DPY19L3: variants seen among roughly 807,000 people sequenced by gnomAD.
DPY19L3 encodes the protein dpy-19 like C-mannosyltransferase 3, also known as protein C-mannosyl-transferase DPY19L3.
In DPY19L3, 51 loss-of-function variants were observed where a neutral mutation model predicts 92.3. The observed-to-expected ratio is 0.55, with a 90% CI of 0.44 to 0.70. The LOEUF (loss-of-function observed/expected upper bound fraction) is 0.70. Among genes scored for constraint, DPY19L3 ranks in the 30% least tolerant of loss-of-function variants. The pLI is 0.00. For missense variants in DPY19L3, 706 were observed against 855.9 expected, an observed-to-expected ratio of 0.82 and a Z score of 2.18; for synonymous variants, 309 against 315.2, an observed-to-expected ratio of 0.98 and a Z score of 0.21.
chr19:32,466,353 G>T (rs9304836), intron 15 of DPY19L3, among the ~76,000 whole-genome samples: 132,740 of 152,228 alleles, frequency 0.87, 58,233 homozygotes, highest in African/African-American at 0.97. Flanking sequence ...TACAGAAATA[G>T]GCATTTAACC....
intron 3 of DPY19L3, among the ~76,000 whole-genome samples, chr19:32,430,791 CTTTT>C (rs11296711): frequency 2.4e-5 from 3 of 125,820 alleles, no homozygotes. Context: ...TGCCTGGCTA[CTTTT>C]TTTTTTTTTT....
intron 10 of DPY19L3, among the ~76,000 whole-genome samples, chr19:32,457,589 A>G (rs1281395993): frequency 6.6e-6 from 1 of 152,242 alleles, no homozygotes; most frequent in Non-Finnish European, 1.5e-5. Flanking sequence ...TGTAATCACT[A>G]ATGATGAACA....
chr19:32,435,556 T>G (rs184640504), intron 4 of DPY19L3, among the ~76,000 whole-genome samples: 1 of 152,368 alleles, frequency 6.6e-6, no homozygotes, highest in Admixed American at 6.5e-5. Context: ...TCCATAGAGA[T>G]GACACCATTT....
chr19:32,409,589 C>T (rs1259728245), intron 2 of DPY19L3, among the ~76,000 whole-genome samples: 2 of 152,162 alleles, frequency 1.3e-5, no homozygotes, highest in South Asian at 2.1e-4. Flanking sequence ...AAAGAGGTTT[C>T]TTTGCCTCAG....
At chr19:32,480,871 TAAACAAAACCTCAGCC>T in intron 18 of DPY19L3, 3 of 466,116 alleles carry the variant, frequency 6.4e-6, no homozygotes, top group Non-Finnish European at 1.1e-5. Context: ...TTTGCTGCTA[TAAACAAAACCTCAGCC>T]TTTAAACCCA....
intron 5 of DPY19L3, 95 bp from the exon 6 acceptor site, chr19:32,437,099 C>G: frequency 6.8e-7 from 1 of 1,467,558 alleles, no homozygotes; most frequent in Non-Finnish European, 9.3e-7. Context: ...TAGAGGCAAG[C>G]TCCTGCATAT....
At chr19:32,411,156 C>T (rs1970293495) in intron 2 of DPY19L3, 83 bp from the exon 3 acceptor site, 1 of 1,432,744 alleles carries the variant, frequency 7.0e-7, no homozygotes, top group Non-Finnish European at 9.5e-7. Context: ...CTAGACTTAG[C>T]TTACTTGATA....
intron 12 of DPY19L3, among the ~76,000 whole-genome samples, chr19:32,461,437 T>C (rs952280576): frequency 2.0e-5 from 3 of 152,252 alleles, no homozygotes; most frequent in Non-Finnish European, 4.4e-5. Flanking sequence ...CTTAGGTATC[T>C]AGAGAGGATA....
rs149207692 is a variant in DPY19L3 at position 32,410,451 on chromosome 19, C to T, written c.104-788C>T. Among the ~76,000 whole-genome samples the T allele has an allele frequency of 1.1e-4, 17 of 152,238 alleles. No individual in the cohort carries two copies. In the East Asian group the frequency reaches 3.3e-3, roughly 29 times the overall value. The stretch of plus-strand genomic sequence containing the variant: ...ATTCTGTGGGTTTTTCCCCCCAGAG[C>T]ATTCCTGCAAAACCTGTGGGTTTAA... On this transcript the variant is annotated intron_variant, in intron 2 of 18. Transcript: ENST00000392250.
At chr19:32,449,748 T>C (rs1969635944) in intron 8 of DPY19L3, among the ~76,000 whole-genome samples, 1 of 152,168 alleles carries the variant, frequency 6.6e-6, no homozygotes, top group Non-Finnish European at 1.5e-5. Flanking sequence ...CCCCTTCCTC[T>C]CACTGTACAC....
chr19:32,460,990 T>G (rs1409837580), intron 12 of DPY19L3, among the ~76,000 whole-genome samples: 1 of 151,982 alleles, frequency 6.6e-6, no homozygotes, highest in Admixed American at 6.6e-5. Flanking sequence ...CTCAGCCTCC[T>G]AAGTAGCTGG....
intron 15 of DPY19L3, 130 bp from the exon 16 acceptor site, chr19:32,468,601 T>C: frequency 7.2e-7 from 1 of 1,385,810 alleles, no homozygotes; most frequent in Non-Finnish European, 9.4e-7. Context: ...GAAATAGTTG[T>C]ATATTCCAGT....
rs776806932 is a variant in DPY19L3, at chr19:32,436,492, A to G, written c.375A>G (p.Thr125=). ...ATAATAAAACTGAATCTATGAAGAC[A>G]ATTAACCTCCTTCAGCGAATGAATA... ...IYDNKTESMK[T]INLLQRMNIY... The change falls in exon 5 of 19, where the codon ACA becomes ACG. Residue 125 remains threonine, a synonymous_variant. Transcript: ENST00000392250. The G allele has an allele frequency of 3.2e-6, 5 of 1,577,036 alleles. No individual in the cohort carries two copies. The Admixed American group carries it at 8.6e-5, about 27-fold the overall frequency.
At chr19:32,471,237 G>A (rs1474307697) in intron 16 of DPY19L3, among the ~76,000 whole-genome samples, 1 of 152,226 alleles carries the variant, frequency 6.6e-6, no homozygotes, top group Non-Finnish European at 1.5e-5. Context: ...CGCATGGGCT[G>A]TGTCTGAAAG....
chr19:32,480,178 C>T (rs138453171), intron 17 of DPY19L3, among the ~76,000 whole-genome samples: 50 of 152,288 alleles, frequency 3.3e-4, no homozygotes, highest in African/African-American at 1.2e-3. Flanking sequence ...TGTGTTCTTC[C>T]TGGCTCACTC....
At chr19:32,469,680 A>G (rs1245164000) in intron 16 of DPY19L3, among the ~76,000 whole-genome samples, 1 of 152,126 alleles carries the variant, frequency 6.6e-6, no homozygotes, top group Non-Finnish European at 1.5e-5. Context: ...TCCGTCTTGA[A>G]TATCATAATG....
At chr19:32,453,515 G>A (rs1969772596) in intron 9 of DPY19L3, among the ~76,000 whole-genome samples, 1 of 152,082 alleles carries the variant, frequency 6.6e-6, no homozygotes, top group Non-Finnish European at 1.5e-5. Flanking sequence ...CCTTCAATGT[G>A]GGGATCAGCC....
intron 12 of DPY19L3, 142 bp from the exon 13 acceptor site, chr19:32,463,223 TC>T: frequency 2.2e-6 from 2 of 890,550 alleles, no homozygotes; most frequent in East Asian, 5.6e-5. Context: ...TCAAAATTGA[TC>T]AATGCGAATT....
At chr19:32,460,275 ATGGTGCAAACCTG>A (rs1262428350) in intron 12 of DPY19L3, among the ~76,000 whole-genome samples, 1 of 152,092 alleles carries the variant, frequency 6.6e-6, no homozygotes, top group African/African-American at 2.4e-5. Flanking sequence ...GCCAGGCACG[ATGGTGCAAACCTG>A]TAGTGCTAAC....
Sources: allele counts gnomAD v4.1 joint callset (sites outside exome capture counted in the v4.1 genomes callset), GRCh38; gene constraint gnomAD v4.1.1; transcripts MANE v1.5; gene names NCBI Gene and HGNC (gene_info 2026-07-23, HGNC 2026-07-21).